FCHO2: variants seen among roughly 807,000 people sequenced by gnomAD.
FCHO2 encodes FCH and mu domain containing endocytic adaptor 2.
A neutral mutation model predicts 114.1 loss-of-function variants in FCHO2; 43 were observed. The observed-to-expected ratio is 0.38, with a 90% CI of 0.30 to 0.49. The LOEUF is 0.49. Ranked by LOEUF, FCHO2 falls within the 20% of genes least tolerant of loss-of-function variation. FCHO2 has a pLI of 0.97. For synonymous variants in FCHO2, 293 were observed against 315.2 expected (o/e 0.93, Z 0.75); for missense variants, 807 against 950.4 (o/e 0.85, Z 1.98).
chr5:72,956,511 C>G (rs890737926), intron 1 of FCHO2, among the ~76,000 whole-genome samples: 4 of 151,928 alleles, frequency 2.6e-5, no homozygotes, highest in Non-Finnish European at 5.9e-5. Context: ...ACAGCCGCCT[C>G]CCGCTGCGCG....
At chr5:73,051,085 A>G (rs1399339800) in intron 11 of FCHO2, 2 of 348,826 alleles carry the variant, frequency 5.7e-6, no homozygotes. Context: ...CACCTCAGTG[A>G]TTTCTTGCCC....
intron 2 of FCHO2, among the ~76,000 whole-genome samples, chr5:72,982,442 A>G (rs761679473): frequency 3.7e-4 from 57 of 152,194 alleles, no homozygotes; most frequent in Non-Finnish European, 7.8e-4. Flanking sequence ...TGTCATTTGC[A>G]AATATTTTCT....
rs776964534 is a variant in FCHO2, at chr5:73,017,342, A to G, written c.796+34A>G. 7 of 1,383,660 alleles carry G rather than the reference A, an allele frequency of 5.1e-6. No individual in the cohort carries two copies. The South Asian group carries it at 6.8e-5, about 14-fold the overall frequency. 85.7% of individuals were successfully genotyped at this position (1,383,660 alleles called of 1,614,324 possible). A position where few individuals can be genotyped will look rare whatever the true frequency, so the allele number is the denominator to read the frequency against. ...ATAAACTCTGCAAGGAAACATTTTA[A>G]ATTTTCCCATATAGTAACTAACATA... is the stretch of plus-strand genomic sequence containing the variant. On this transcript the variant is annotated intron_variant, in intron 8 of 25. Coordinates refer to ENST00000430046, the MANE Select transcript of FCHO2 (RefSeq NM_138782.3).
chr5:72,961,796 G>T (rs1214085788), intron 1 of FCHO2, among the ~76,000 whole-genome samples: 1 of 152,088 alleles, frequency 6.6e-6, no homozygotes, highest in African/African-American at 2.4e-5. Flanking sequence ...GATTCTCCAT[G>T]TTGAGGCTGG....
intron 5 of FCHO2, among the ~76,000 whole-genome samples, chr5:72,991,326 A>G (rs1753799171): frequency 1.3e-5 from 2 of 152,222 alleles, no homozygotes; most frequent in Non-Finnish European, 2.9e-5. Flanking sequence ...GGCCTCCCCA[A>G]GTGCTGGGAT....
chr5:73,033,916 T>C (rs1034712189), intron 8 of FCHO2, among the ~76,000 whole-genome samples: 2 of 152,204 alleles, frequency 1.3e-5, no homozygotes, highest in African/African-American at 2.4e-5. Flanking sequence ...ATTTCCACTT[T>C]ATCATCATCC....
At chr5:73,024,846 TAATA>T (rs879474770) in intron 8 of FCHO2, among the ~76,000 whole-genome samples, 13 of 152,204 alleles carry the variant, frequency 8.5e-5, no homozygotes, top group African/African-American at 2.9e-4. Context: ...CTACATTTAT[TAATA>T]AATATTGTTT....
At chr5:73,031,735 A>G (rs1301390828) in intron 8 of FCHO2, among the ~76,000 whole-genome samples, 2 of 152,314 alleles carry the variant, frequency 1.3e-5, no homozygotes, top group Admixed American at 6.5e-5. Context: ...CTTCTGTTCT[A>G]TGAGTTTAAT....
At position 73,037,742 on chromosome 5, in the gene FCHO2, A is replaced by G. The variant is rs139454815; in HGVS notation, c.914+527A>G. ...TTTAGATGGAATATTTGGTCCACTT[A>G]TAAGTCTGATTTACCTTCTTTTTTT... On this transcript the variant is annotated intron_variant, in intron 10 of 25. Transcript: ENST00000430046. 1.5e-3 allele frequency: 587 copies of G among 400,430 alleles called. 5 individuals carry two copies. Among genetic ancestry groups the G allele is most frequent in the African/African-American group, 0.012 (556 of 46,010 alleles). 24.8% of individuals were successfully genotyped at this position (400,430 alleles called of 1,614,324 possible).
chr5:73,027,195 C>G (rs1755985573), intron 8 of FCHO2, among the ~76,000 whole-genome samples: 1 of 151,888 alleles, frequency 6.6e-6, no homozygotes, highest in Non-Finnish European at 1.5e-5. Context: ...GTAACCCTAA[C>G]CACTCTCAGG....
intron 2 of FCHO2, among the ~76,000 whole-genome samples, chr5:72,972,041 T>G (rs1752586610): frequency 6.6e-6 from 1 of 151,934 alleles, no homozygotes; most frequent in South Asian, 2.1e-4. Flanking sequence ...GAGGGCTCTG[T>G]TCTGTTCCAT....
chr5:72,960,913 G>T (rs1751823886), intron 1 of FCHO2, among the ~76,000 whole-genome samples: 2 of 152,102 alleles, frequency 1.3e-5, no homozygotes, highest in South Asian at 4.1e-4. Flanking sequence ...AATGAGCTGA[G>T]ATTTTTAGTT....
rs545846625 is a variant in FCHO2 at position 73,090,086 on chromosome 5, A to G, written c.*1996A>G. ...TTCTTACCGTGTTTGTTTTTAATCA[A>G]ATATTACCTAAAAATGTACAAATTA... On this transcript the variant is annotated 3_prime_UTR_variant, in exon 26 of 26. Transcript: ENST00000430046. 2 of 152,712 alleles carry G rather than the reference A, an allele frequency of 1.3e-5. No individual in the cohort carries two copies. Among genetic ancestry groups the G allele is most frequent in the East Asian group, 1.9e-4 (1 of 5,196 alleles). The allele number at this position is 152,712 out of a possible 1,614,324, so 9.5% of individuals were successfully genotyped here.
chr5:73,025,289 G>T lies in FCHO2; in HGVS notation c.796+7981G>T, dbSNP rs1755852895. 2.0e-5 allele frequency among the ~76,000 whole-genome samples: 3 copies of T among 150,810 alleles called. No homozygotes were observed. The South Asian group carries it at 6.3e-4, about 32-fold the overall frequency. ...AATGGCACAATCTCAGCTCACTGCAGTCTCTGCCTCCCGAGTTCAAGCGAT... is the reference window on the plus strand; with the variant it reads ...AATGGCACAATCTCAGCTCACTGCATTCTCTGCCTCCCGAGTTCAAGCGAT... On this transcript the variant is annotated intron_variant, in intron 8 of 25. Coordinates refer to ENST00000430046, the MANE Select transcript of FCHO2 (RefSeq NM_138782.3).
chr5:72,983,482 G>C (rs59417673), intron 2 of FCHO2, among the ~76,000 whole-genome samples: 17,847 of 150,866 alleles, frequency 0.12, 1,267 homozygotes, highest in Non-Finnish European at 0.17. Flanking sequence ...TTCTGCCTCA[G>C]CCTACTGAAT....
intron 2 of FCHO2, among the ~76,000 whole-genome samples, chr5:72,969,489 C>T (rs1394656358): frequency 6.6e-6 from 1 of 152,224 alleles, no homozygotes; most frequent in Non-Finnish European, 1.5e-5. Flanking sequence ...GCTCTCCTTC[C>T]TCCGGGCTTC....
intron 19 of FCHO2, among the ~76,000 whole-genome samples, chr5:73,070,289 G>T (rs1580199533): frequency 6.6e-6 from 1 of 152,128 alleles, no homozygotes; most frequent in Non-Finnish European, 1.5e-5. Context: ...ATATAGGCTA[G>T]AATGAAATAT....
intron 2 of FCHO2, among the ~76,000 whole-genome samples, chr5:72,970,581 C>T (rs981556797): frequency 1.3e-5 from 2 of 151,532 alleles, no homozygotes; most frequent in African/African-American, 2.4e-5. Context: ...ATATTTTATC[C>T]CTCTGAATTA....
chr5:72,982,681 T>C (rs1480916565), intron 2 of FCHO2, among the ~76,000 whole-genome samples: 2 of 152,216 alleles, frequency 1.3e-5, no homozygotes, highest in Non-Finnish European at 2.9e-5. Context: ...GATACTGTTC[T>C]AAAAAGTCGT....
Sources: allele counts gnomAD v4.1 joint callset (sites outside exome capture counted in the v4.1 genomes callset), GRCh38; gene constraint gnomAD v4.1.1; transcripts MANE v1.5; gene names NCBI Gene and HGNC (gene_info 2026-07-23, HGNC 2026-07-21).